The following GIPR variants were observed in gnomAD, a reference collection of about 807,000 sequenced individuals.
GIPR encodes gastric inhibitory polypeptide receptor, also known as GIP-R.
A neutral mutation model predicts 62.2 loss-of-function variants in GIPR; 74 were observed. The ratio of observed to expected loss-of-function variants is 1.19; its 90% CI spans 0.99 to 1.44. The LOEUF is 1.44. Ranked by LOEUF, GIPR falls within the 40% of genes most tolerant of loss-of-function variation. The pLI is 0.00. For missense variants in GIPR, 664 were observed against 611.8 expected, an observed-to-expected ratio of 1.09 and a Z score of -0.90; for synonymous variants, 256 against 262.2, an observed-to-expected ratio of 0.98 and a Z score of 0.23.
intron 2 of GIPR, among the ~76,000 whole-genome samples, chr19:45,669,953 TG>T (rs377191988): frequency 3.7e-4 from 37 of 100,130 alleles, no homozygotes; most frequent in East Asian, 7.8e-4. Flanking sequence ...TGTCTCGGGG[TG>T]GGGGGGGGAG....
chr19:45,679,731 T>C (rs1967130523), intron 12 of GIPR, among the ~76,000 whole-genome samples: 2 of 151,812 alleles, frequency 1.3e-5, no homozygotes, highest in African/African-American at 4.8e-5. Context: ...TTCAGCCTCC[T>C]AAGTGGCTGG....
Position 45,677,768 on chromosome 19 carries a change from A to C in GIPR, c.913A>C (p.Met305Leu), listed in dbSNP as rs376471889. The change falls in exon 10 of 14, where the codon ATG becomes CTG. Residue 305 changes from methionine (M) to leucine (L), a missense_variant. By Grantham distance (15) the Met-to-Leu change is conservative. Transcript: ENST00000590918. ...GTGGATTATACGGACCCCCATCCTC[A>C]TGACCATCTTGGTAGGATCGGTCCC... The part of the protein sequence containing the change: ...IWWIIRTPIL[M>L]TILINFLIFI... The C allele has an allele frequency of 3.1e-6, 5 of 1,612,952 alleles. No homozygotes were observed. The highest frequency in any genetic ancestry group is 1.7e-5 in the Admixed American group (1 of 60,010).
chr19:45,677,479 T>A, intron 9 of GIPR, 96 bp downstream of exon 9: 1 of 952,566 alleles, frequency 1.0e-6, no homozygotes, highest in Non-Finnish European at 1.7e-6. Context: ...GTCGGAAGGC[T>A]ATTCGGTGCT....
At chr19:45,670,971 G>T (rs1201719060) in intron 3 of GIPR, among the ~76,000 whole-genome samples, 1 of 151,578 alleles carries the variant, frequency 6.6e-6, no homozygotes, top group Admixed American at 6.6e-5. Flanking sequence ...AATAAACCTT[G>T]AAGGGGGCGG....
chr19:45,679,029 G>A (rs1336143908), intron 12 of GIPR, among the ~76,000 whole-genome samples: 3 of 152,152 alleles, frequency 2.0e-5, no homozygotes, highest in Non-Finnish European at 4.4e-5. Context: ...GAAAATACTA[G>A]TCTCAGTGGA....
Position 45,677,313 on chromosome 19 carries a change from G to C in GIPR, c.794-10G>C. Reference sequence around the variant, plus strand: ...GGCGGGGTGGGGGGGCGGGGTCGGGGTCTGCACAGGGGCCCCCGCGCTTTT... The same window carrying C: ...GGCGGGGTGGGGGGGCGGGGTCGGGCTCTGCACAGGGGCCCCCGCGCTTTT... On this transcript the variant is annotated splice_polypyrimidine_tract_variant and intron_variant, in intron 8 of 13. Transcript: ENST00000590918. The C allele has an allele frequency of 6.4e-7, 1 of 1,557,160 alleles. No homozygotes were observed. Among genetic ancestry groups the C allele is most frequent in the Non-Finnish European group, 8.7e-7 (1 of 1,144,830 alleles).
At chr19:45,680,872 C>T (rs1307255508) in intron 12 of GIPR, among the ~76,000 whole-genome samples, 3 of 148,824 alleles carry the variant, frequency 2.0e-5, no homozygotes, top group South Asian at 4.2e-4. Context: ...AAAAACAAAA[C>T]GGCAACACAA....
Position 45,681,198 on chromosome 19 carries a change from G to C in GIPR, c.1153-406G>C, listed in dbSNP as rs187043604. 4.7e-3 allele frequency among the ~76,000 whole-genome samples: 707 copies of C among 151,882 alleles called. 2 individuals carry two copies. The highest frequency in any genetic ancestry group is 8.1e-3 in the Non-Finnish European group (550 of 67,892). On this transcript the variant is annotated intron_variant, in intron 12 of 13. Transcript: ENST00000590918. ...CCTGGCAAGGGCGCGAGCTTATTAA[G>C]AGAACAGTTACAAAGGCTAGGCGCG...
At chr19:45,669,204 C>T (rs183302899) in intron 1 of GIPR, among the ~76,000 whole-genome samples, 103 of 152,298 alleles carry the variant, frequency 6.8e-4, no homozygotes, top group African/African-American at 2.4e-3. Flanking sequence ...AACACCCCCC[C>T]CTTCCACCTT....
intron 12 of GIPR, among the ~76,000 whole-genome samples, chr19:45,679,356 C>T (rs1967112571): frequency 6.6e-6 from 1 of 151,944 alleles, no homozygotes; most frequent in African/African-American, 2.4e-5. Flanking sequence ...GTGGCGGCCG[C>T]CTGTAATCCC....
chr19:45,669,555 G>T lies in GIPR; in HGVS notation c.35G>T (p.Arg12Leu). Residue 12 changes from arginine to leucine, a missense_variant, in exon 2 of 14, where the codon CGG becomes CTG. Arg to Leu is a moderately radical substitution (Grantham distance 102). Transcript: ENST00000590918. ...TCTCCGATCCTGCAGCTGCTGCTGCGGCTCTCACTGTGCGGGCTGCTGCTC... is the reference window on the plus strand; with the variant it reads ...TCTCCGATCCTGCAGCTGCTGCTGCTGCTCTCACTGTGCGGGCTGCTGCTC... ...TTSPILQLLL[R>L]LSLCGLLLQR... 6.3e-7 allele frequency: 1 copy of T among 1,581,940 alleles called. No homozygotes were observed. Among genetic ancestry groups the T allele is most frequent in the Admixed American group, 1.8e-5 (1 of 55,248 alleles).
intron 4 of GIPR, 54 bp downstream of exon 4, chr19:45,671,446 T>C: frequency 2.7e-6 from 3 of 1,127,242 alleles, no homozygotes; most frequent in Non-Finnish European, 2.7e-6. Context: ...ACTGCTAACC[T>C]TTGCCCCCAG....
intron 12 of GIPR, among the ~76,000 whole-genome samples, chr19:45,680,062 G>A (rs552859079): frequency 7.9e-5 from 12 of 152,074 alleles, no homozygotes; most frequent in Admixed American, 7.9e-4. Context: ...GAGCCACCGC[G>A]CCTGGCCAAG....
At chr19:45,678,427 G>A (rs1967071667) in intron 12 of GIPR, 3 of 659,244 alleles carry the variant, frequency 4.6e-6, no homozygotes, top group Non-Finnish European at 2.6e-6. Context: ...ACAGTGGCGC[G>A]ATCTCGGTTC....
Position 45,668,671 on chromosome 19 carries a change from C to T in GIPR, c.-45+373C>T, listed in dbSNP as rs112005745. ...TCTCTTGTGTCTGTGACGCCGTTGT[C>T]TGTCCTTCTGAGGCTCGACCTGAGA... On this transcript the variant is annotated intron_variant, in intron 1 of 13. Transcript: ENST00000590918. 1.7e-3 allele frequency among the ~76,000 whole-genome samples: 254 copies of T among 152,298 alleles called. 3 individuals carry two copies. The highest frequency in any genetic ancestry group is 5.4e-3 in the African/African-American group (226 of 41,558).
chr19:45,673,180 G>A (rs979604290), intron 5 of GIPR, among the ~76,000 whole-genome samples: 1 of 152,196 alleles, frequency 6.6e-6, no homozygotes. Context: ...AGCACTTTGG[G>A]AGGCCAAGGA....
At chr19:45,674,218 C>G (rs1475288404) in intron 6 of GIPR, 41 bp downstream of exon 6, 4 of 1,298,132 alleles carry the variant, frequency 3.1e-6, no homozygotes, top group Middle Eastern at 1.8e-4. Context: ...GAGATGTGAG[C>G]TCGGCCTCAG....
At chr19:45,672,983 G>C (rs543848284) in intron 5 of GIPR, 29 bp downstream of exon 5, 5 of 1,268,102 alleles carry the variant, frequency 3.9e-6, no homozygotes, top group African/African-American at 1.5e-5. Context: ...TTCAGGTTAG[G>C]AGTCCAGGGA....
intron 2 of GIPR, 91 bp from the exon 3 acceptor site, chr19:45,670,544 A>G (rs762117911): frequency 8.5e-6 from 7 of 822,504 alleles, no homozygotes; most frequent in Non-Finnish European, 1.2e-5. Flanking sequence ...AGACCCTCAA[A>G]GTCTCTCTGG....
Sources: gnomAD v4.1 joint callset for allele counts (sites outside exome capture counted in the v4.1 genomes callset) on GRCh38, gnomAD v4.1.1 for gene constraint, MANE v1.5 for transcripts, NCBI Gene and HGNC (gene_info 2026-07-23, HGNC 2026-07-21) for gene names.